The following CLTA variants were observed in gnomAD, a reference collection of about 807,000 sequenced individuals.
CLTA encodes clathrin light chain A, also known as clathrin, light polypeptide (Lca).
In CLTA, 9 loss-of-function variants were observed where a neutral mutation model predicts 26.9. That is an observed-to-expected ratio of 0.33 (90% CI 0.20 to 0.58). CLTA has a LOEUF of 0.58. Ranked by LOEUF, CLTA falls within the 20% of genes least tolerant of loss-of-function variation. The pLI, the probability that CLTA is intolerant of heterozygous loss-of-function variation, is 0.85. For missense variants in CLTA, 278 were observed against 294.2 expected, an observed-to-expected ratio of 0.94 and a Z score of 0.40; for synonymous variants, 120 against 115.5, an observed-to-expected ratio of 1.04 and a Z score of -0.25.
At position 36,211,869 on chromosome 9, in the gene CLTA, G is replaced by C; in HGVS notation, c.*95G>C. The C allele has an allele frequency of 9.4e-7, 1 of 1,065,154 alleles. No individual in the cohort carries two copies. Among genetic ancestry groups the C allele is most frequent in the Non-Finnish European group, 1.4e-6 (1 of 728,834 alleles). The allele number at this position is 1,065,154 out of a possible 1,614,324, so 66.0% of individuals were successfully genotyped here. ...TGGATTAATTATGTTGAGTTCTTTT[G>C]GACCAAACCTTTTTGTCTTTAGAGT... On this transcript the variant is annotated 3_prime_UTR_variant, in exon 5 of 5. Transcript: ENST00000345519.
intron 4 of CLTA, chr9:36,209,356 A>G (rs1406482603): frequency 2.0e-6 from 3 of 1,465,646 alleles, no homozygotes; most frequent in East Asian, 4.5e-5. Flanking sequence ...TCTACATCTG[A>G]TTCTTTCTAC....
intron 4 of CLTA, chr9:36,210,795 C>G: frequency 1.0e-6 from 1 of 968,746 alleles, no homozygotes; most frequent in Non-Finnish European, 1.6e-6. Context: ...ACAGACCAGT[C>G]ATCTCCATTG....
chr9:36,206,697 C>T (rs1421172600), intron 4 of CLTA, among the ~76,000 whole-genome samples: 1 of 151,904 alleles, frequency 6.6e-6, no homozygotes, highest in Non-Finnish European at 1.5e-5. Flanking sequence ...GAGTTTGAGA[C>T]CAGCCTGCCC....
intron 1 of CLTA, among the ~76,000 whole-genome samples, chr9:36,192,538 T>C (rs761424890): frequency 1.2e-4 from 19 of 152,178 alleles, no homozygotes; most frequent in Non-Finnish European, 2.1e-4. Context: ...TGCAACTTTA[T>C]AGCGGGTAGG....
intron 1 of CLTA, among the ~76,000 whole-genome samples, chr9:36,196,423 T>C (rs1285243690): frequency 2.0e-5 from 3 of 151,040 alleles, no homozygotes; most frequent in Non-Finnish European, 4.4e-5. Flanking sequence ...CTTGGCTCAC[T>C]GCAACCTCTG....
intron 1 of CLTA, among the ~76,000 whole-genome samples, chr9:36,195,193 A>T (rs186560544): frequency 3.0e-4 from 46 of 152,364 alleles, no homozygotes; most frequent in African/African-American, 1.1e-3. Context: ...TTTAAAAAGT[A>T]AAAGAAGAAA....
At chr9:36,195,049 T>C (rs1467492969) in intron 1 of CLTA, among the ~76,000 whole-genome samples, 1 of 152,212 alleles carries the variant, frequency 6.6e-6, no homozygotes, top group Non-Finnish European at 1.5e-5. Context: ...TAGTGGATAG[T>C]TGGTATGTCA....
intron 3 of CLTA, among the ~76,000 whole-genome samples, chr9:36,199,972 C>T (rs1031178203): frequency 4.6e-5 from 7 of 152,190 alleles, no homozygotes; most frequent in Non-Finnish European, 8.8e-5. Flanking sequence ...GTCTGCCTTG[C>T]TTCAAAGTCA....
At chr9:36,208,768 G>A (rs561365225) in intron 4 of CLTA, among the ~76,000 whole-genome samples, 35 of 152,308 alleles carry the variant, frequency 2.3e-4, no homozygotes, top group African/African-American at 7.0e-4. Context: ...CAGGGAAGAA[G>A]CATGACTATA....
chr9:36,210,198 C>G (rs920841141), intron 4 of CLTA, among the ~76,000 whole-genome samples: 2 of 151,426 alleles, frequency 1.3e-5, no homozygotes, highest in East Asian at 3.9e-4. Flanking sequence ...AAAATTAGGG[C>G]TGGCTTTACA....
At chr9:36,192,589 T>G (rs1327885617) in intron 1 of CLTA, among the ~76,000 whole-genome samples, 1 of 152,196 alleles carries the variant, frequency 6.6e-6, no homozygotes, top group Admixed American at 6.5e-5. Flanking sequence ...GAAGTTGGCC[T>G]TAAGTGATTA....
intron 3 of CLTA, 100 bp from the exon 4 acceptor site, chr9:36,203,968 C>T: frequency 6.6e-7 from 1 of 1,526,266 alleles, no homozygotes; most frequent in East Asian, 2.4e-5. Context: ...CAGACATGGA[C>T]CTGCACCCAC....
chr9:36,209,887 A>G (rs920797686), intron 4 of CLTA, among the ~76,000 whole-genome samples: 1 of 152,172 alleles, frequency 6.6e-6, no homozygotes, highest in African/African-American at 2.4e-5. Context: ...GTGGGTGTCT[A>G]TAATTGTTCC....
chr9:36,209,593 A>G (rs530150951), intron 4 of CLTA, among the ~76,000 whole-genome samples: 169 of 152,086 alleles, frequency 1.1e-3, no homozygotes, highest in African/African-American at 3.8e-3. Context: ...TTGCGATCTT[A>G]TCTGGGAACG....
chr9:36,197,524 G>A (rs369163741), intron 1 of CLTA, 27 bp from the exon 2 acceptor site: 42 of 1,599,412 alleles, frequency 2.6e-5, no homozygotes, highest in Admixed American at 2.2e-4. Context: ...AGTCCTTATT[G>A]ATAGACCAAA....
chr9:36,197,385 A>G (rs16933044), intron 1 of CLTA, among the ~76,000 whole-genome samples, 166 bp from the exon 2 acceptor site: 3,935 of 152,328 alleles, frequency 0.026, 180 homozygotes, highest in African/African-American at 0.09. Context: ...TGAAATTTGT[A>G]TATAAGCACA....
intron 1 of CLTA, among the ~76,000 whole-genome samples, chr9:36,191,978 A>G (rs1411935099): frequency 6.6e-6 from 1 of 152,206 alleles, no homozygotes; most frequent in Non-Finnish European, 1.5e-5. Flanking sequence ...TCAGGGAGGG[A>G]TGAAGAGGTG....
chr9:36,204,496 C>T (rs1417615670), intron 4 of CLTA, among the ~76,000 whole-genome samples: 1 of 152,106 alleles, frequency 6.6e-6, no homozygotes, highest in Non-Finnish European at 1.5e-5. Flanking sequence ...GTCATGAATA[C>T]ACCCAGATCT....
At chr9:36,197,278 A>C (rs1323574186) in intron 1 of CLTA, among the ~76,000 whole-genome samples, 11 of 152,080 alleles carry the variant, frequency 7.2e-5, no homozygotes, top group Admixed American at 7.2e-4. Flanking sequence ...TCTTTCTGCT[A>C]GTCTTCCATT....
Sources: gnomAD v4.1 joint callset for allele counts (sites outside exome capture counted in the v4.1 genomes callset) on GRCh38, gnomAD v4.1.1 for gene constraint, MANE v1.5 for transcripts, NCBI Gene and HGNC (gene_info 2026-07-23, HGNC 2026-07-21) for gene names.